The following UNC13C variants were observed in gnomAD, a reference collection of about 807,000 sequenced individuals.
The protein encoded by UNC13C is protein unc-13 homolog C.
UNC13C carries 174 observed loss-of-function variants against 245.4 expected under a neutral mutation model. The ratio of observed to expected loss-of-function variants is 0.71; its 90% CI spans 0.63 to 0.80. UNC13C has a LOEUF of 0.80. Among genes scored for constraint, UNC13C ranks in the 30% least tolerant of loss-of-function variants. The pLI, the probability that UNC13C is intolerant of heterozygous loss-of-function variation, is 0.00. For missense variants in UNC13C, 2,829 were observed against 2,602.9 expected, an observed-to-expected ratio of 1.09 and a Z score of -1.89; for synonymous variants, 992 against 895.1, an observed-to-expected ratio of 1.11 and a Z score of -1.93.
At chr15:54,538,096 ATCCAGAC>A (rs1348691692) in intron 26 of UNC13C, among the ~76,000 whole-genome samples, 1 of 143,938 alleles carries the variant, frequency 6.9e-6, no homozygotes, top group Non-Finnish European at 1.5e-5. Flanking sequence ...ATGGTCTAAT[ATCCAGAC>A]TCTATAAGGA....
intron 4 of UNC13C, among the ~76,000 whole-genome samples, chr15:54,211,791 AGGAAAT>A (rs1440841403): frequency 6.6e-6 from 1 of 152,144 alleles, no homozygotes; most frequent in African/African-American, 2.4e-5. Context: ...GAAGAATCAA[AGGAAAT>A]GAGCTTGTAT....
chr15:54,552,431 AATTATAT>A lies in UNC13C; in HGVS notation c.5877+2745_5877+2751del, dbSNP rs1896789670. Among the ~76,000 whole-genome samples, 4 of 3,276 alleles carry A rather than the reference AATTATAT, an allele frequency of 1.2e-3. No individual in the cohort carries two copies. The South Asian group carries it at 0.087, about 71-fold the overall frequency. The allele number at this position is 3,276 out of a possible 152,430, so 2.1% of individuals were successfully genotyped here. A position where few individuals can be genotyped will look rare whatever the true frequency, so the allele number is the denominator to read the frequency against. The stretch of plus-strand genomic sequence containing the variant: ...AATTATATATTACAATATATAATAT[AATTATAT>A]ATTACAATATATAATATAATTATAT... On this transcript the variant is annotated intron_variant, in intron 28 of 32. Coordinates refer to ENST00000260323, the MANE Select transcript of UNC13C (RefSeq NM_001080534.3).
chr15:54,334,810 A>G (rs2038530875), intron 16 of UNC13C, among the ~76,000 whole-genome samples: 1 of 152,146 alleles, frequency 6.6e-6, no homozygotes, highest in Non-Finnish European at 1.5e-5. Flanking sequence ...TTGACAAGTG[A>G]TGTCTGCCAT....
intron 4 of UNC13C, among the ~76,000 whole-genome samples, chr15:54,173,156 G>A (rs2033480566): frequency 2.0e-5 from 3 of 151,886 alleles, no homozygotes; most frequent in African/African-American, 7.2e-5. Flanking sequence ...GAAAATCAGA[G>A]TGTATTTCTC....
At position 53,999,139 on chromosome 15, in the gene UNC13C, C is replaced by T. The variant is rs796963216; in HGVS notation, c.-256-13509C>T. On this transcript the variant is annotated intron_variant, in intron 1 of 32. Coordinates refer to ENST00000260323, the MANE Select transcript of UNC13C (RefSeq NM_001080534.3). Reference sequence around the variant, plus strand: ...TAAAGCAATTGGACAGTGTTCTTTCCTCTTTTCTGAAAGAGTTTGTTTCAA... The same window carrying T: ...TAAAGCAATTGGACAGTGTTCTTTCTTCTTTTCTGAAAGAGTTTGTTTCAA... Among the ~76,000 whole-genome samples, 19 of 151,982 alleles carry T rather than the reference C, an allele frequency of 1.3e-4. 1 individual carries two copies. Among genetic ancestry groups the T allele is most frequent in the African/African-American group, 4.3e-4 (18 of 41,524 alleles).
the UNC13C span, among the ~76,000 whole-genome samples, chr15:53,926,397 T>C: frequency 6.6e-6 from 1 of 152,244 alleles, no homozygotes; most frequent in Non-Finnish European, 1.5e-5. Flanking sequence ...TCTTTTATTC[T>C]GTGGATCAAA....
At chr15:53,960,077 A>G in the UNC13C span, among the ~76,000 whole-genome samples, 5 of 152,170 alleles carry the variant, frequency 3.3e-5, no homozygotes, top group African/African-American at 1.2e-4. Context: ...CTGAGACACT[A>G]AGGAGATATG....
At chr15:54,509,000 G>C (rs1469030258) in intron 23 of UNC13C, among the ~76,000 whole-genome samples, 1 of 152,142 alleles carries the variant, frequency 6.6e-6, no homozygotes, top group Non-Finnish European at 1.5e-5. Context: ...AGGAGTTCAA[G>C]ACCAGCCTGG....
intron 13 of UNC13C, among the ~76,000 whole-genome samples, chr15:54,318,716 CTCTCT>C (rs1336879367): frequency 6.6e-6 from 1 of 151,854 alleles, no homozygotes; most frequent in Non-Finnish European, 1.5e-5. Context: ...TATCTCTTCA[CTCTCT>C]TGAGTTTTTC....
rs1435934598 is a variant in UNC13C, at chr15:54,494,664, G to A, written c.4990G>A (p.Val1664Ile). The change falls in exon 20 of 33, where the codon GTT becomes ATT. Residue 1664 changes from valine (V) to isoleucine (I), a missense_variant. By Grantham distance (29) the Val-to-Ile change is conservative (BLOSUM62 3). Coordinates refer to ENST00000260323, the MANE Select transcript of UNC13C (RefSeq NM_001080534.3). Reference sequence around the variant, plus strand: ...CGATTATATGAATTTGCATTTCAAAGTTAAATGGTTTTATAATGAATATGT... The same window carrying A: ...CGATTATATGAATTTGCATTTCAAAATTAAATGGTTTTATAATGAATATGT... ...STDYMNLHFK[V>I]KWFYNEYVRE... 4 of 1,611,418 alleles carry A rather than the reference G, an allele frequency of 2.5e-6. No homozygotes were observed. In the South Asian group the frequency reaches 3.3e-5, roughly 13 times the overall value.
At position 54,014,560 on chromosome 15, in the gene UNC13C, T is replaced by C; in HGVS notation, c.1657T>C (p.Phe553Leu). 1 of 1,613,826 alleles carries C rather than the reference T, an allele frequency of 6.2e-7. No individual in the cohort carries two copies. The highest frequency in any genetic ancestry group is 8.5e-7 in the Non-Finnish European group (1 of 1,179,834). Residue 553 changes from phenylalanine to leucine, a missense_variant, in exon 2 of 33, where the codon TTT becomes CTT. Transcript: ENST00000260323. Reference sequence around the variant, plus strand: ...TAAACTTAGTCGTTCTGAATCAGATTTTTCCAAATTGTGTCAGTCTTACTC... The same window carrying C: ...TAAACTTAGTCGTTCTGAATCAGATCTTTCCAAATTGTGTCAGTCTTACTC... ...TAKLSRSESD[F>L]SKLCQSYSED... is the part of the protein sequence containing the mutation.
intron 20 of UNC13C, among the ~76,000 whole-genome samples, chr15:54,497,933 A>G (rs964340423): frequency 1.3e-5 from 2 of 152,108 alleles, no homozygotes; most frequent in Non-Finnish European, 2.9e-5. Flanking sequence ...TCAAAGGTCC[A>G]CAGCTTTTCA....
chr15:54,186,147 T>C (rs1334351504), intron 4 of UNC13C, among the ~76,000 whole-genome samples: 1 of 135,240 alleles, frequency 7.4e-6, no homozygotes, highest in Non-Finnish European at 1.6e-5. Flanking sequence ...CTGAAGTTGC[T>C]TATCAGCTTA....
At chr15:53,971,293 T>C in the UNC13C span, among the ~76,000 whole-genome samples, 1 of 152,022 alleles carries the variant, frequency 6.6e-6, no homozygotes, top group African/African-American at 2.4e-5. Flanking sequence ...TGTACAAAAA[T>C]TAACTAAAAA....
chr15:53,924,032 A>G, the UNC13C span, among the ~76,000 whole-genome samples: 1 of 152,068 alleles, frequency 6.6e-6, no homozygotes, highest in African/African-American at 2.4e-5. Flanking sequence ...GTGAAACCCC[A>G]TCTCTACTAA....
intron 19 of UNC13C, among the ~76,000 whole-genome samples, chr15:54,425,543 C>T (rs961406727): frequency 2.6e-5 from 4 of 151,814 alleles, no homozygotes; most frequent in Non-Finnish European, 5.9e-5. Context: ...TAAGTGATTC[C>T]TTTCTCAATT....
At chr15:54,418,561 G>C (rs1164586756) in intron 19 of UNC13C, among the ~76,000 whole-genome samples, 2 of 152,090 alleles carry the variant, frequency 1.3e-5, no homozygotes, top group Admixed American at 6.6e-5. Context: ...CTTTCGAAGA[G>C]ATTAGACACA....
At chr15:54,540,763 T>G (rs772911175) in intron 26 of UNC13C, among the ~76,000 whole-genome samples, 1 of 152,096 alleles carries the variant, frequency 6.6e-6, no homozygotes, top group Non-Finnish European at 1.5e-5. Context: ...TCCTACGAGC[T>G]GCGCACGTGA....
chr15:54,097,257 T>A (rs993829366), intron 2 of UNC13C, among the ~76,000 whole-genome samples: 1 of 152,222 alleles, frequency 6.6e-6, no homozygotes, highest in Admixed American at 6.5e-5. Context: ...TGTTTTGGTG[T>A]CCATCTCTCC....
Sources: allele counts gnomAD v4.1 joint callset (sites outside exome capture counted in the v4.1 genomes callset), GRCh38; gene constraint gnomAD v4.1.1; transcripts MANE v1.5; gene names NCBI Gene and HGNC (gene_info 2026-07-23, HGNC 2026-07-21).